The following CEP63 variants were observed in gnomAD, a reference collection of about 807,000 sequenced individuals.
CEP63 encodes the protein centrosomal protein of 63 kDa.
In CEP63, 84 loss-of-function variants were observed where a neutral mutation model predicts 89.1. The observed-to-expected ratio is 0.94, with a 90% CI of 0.79 to 1.13. The LOEUF is 1.13. Ranked by LOEUF, CEP63 falls within the 50% of genes most tolerant of loss-of-function variation. CEP63 has a pLI of 0.00. For missense variants in CEP63, 838 were observed against 813.3 expected (o/e 1.03, Z -0.37); for synonymous variants, 267 against 272.5 (o/e 0.98, Z 0.20).
chr3:134,582,637 A>C (rs1213901165), intron 10 of CEP63, among the ~76,000 whole-genome samples: 1 of 152,152 alleles, frequency 6.6e-6, no homozygotes, highest in African/African-American at 2.4e-5. Context: ...CACAATAAAC[A>C]TATGTGTGCA....
At chr3:134,767,006 A>G in the CEP63 span, among the ~76,000 whole-genome samples, 4 of 152,142 alleles carry the variant, frequency 2.6e-5, no homozygotes, top group Non-Finnish European at 5.9e-5. Context: ...TACAGAGGCT[A>G]CATAGCCACT....
the CEP63 span, among the ~76,000 whole-genome samples, chr3:134,671,000 G>A: frequency 6.6e-6 from 1 of 152,086 alleles, no homozygotes; most frequent in African/African-American, 2.4e-5. Flanking sequence ...ATACATTTGT[G>A]GTAAAAGTCT....
At chr3:134,644,209 T>G in the CEP63 span, among the ~76,000 whole-genome samples, 1 of 152,194 alleles carries the variant, frequency 6.6e-6, no homozygotes, top group Non-Finnish European at 1.5e-5. Context: ...TGTAGTTTGG[T>G]TCTGTTTCAC....
At chr3:134,669,182 C>T in the CEP63 span, among the ~76,000 whole-genome samples, 4 of 151,928 alleles carry the variant, frequency 2.6e-5, no homozygotes, top group South Asian at 6.2e-4. Flanking sequence ...TGTGCCCCTA[C>T]ACGCGGCTTA....
At chr3:134,695,719 GA>G in the CEP63 span, among the ~76,000 whole-genome samples, 6 of 152,240 alleles carry the variant, frequency 3.9e-5, no homozygotes, top group Non-Finnish European at 5.9e-5. Flanking sequence ...CTGCGCCTAG[GA>G]AACTGATTAG....
intron 1 of CEP63, among the ~76,000 whole-genome samples, chr3:134,492,584 T>C (rs1938094545): frequency 6.6e-6 from 1 of 152,134 alleles, no homozygotes; most frequent in Admixed American, 6.5e-5. Context: ...TTTTTTTTTT[T>C]TTTTTAAACA....
intron 8 of CEP63, among the ~76,000 whole-genome samples, chr3:134,546,548 G>T (rs1007298403): frequency 3.9e-5 from 6 of 151,986 alleles, no homozygotes; most frequent in Non-Finnish European, 7.4e-5. Flanking sequence ...TTAGAGACGG[G>T]CATTCATCAT....
chr3:134,584,751 T>C (rs550444284), intron 10 of CEP63, among the ~76,000 whole-genome samples: 3 of 152,122 alleles, frequency 2.0e-5, no homozygotes, highest in Non-Finnish European at 2.9e-5. Flanking sequence ...TCAGAAGAAA[T>C]GGTACCAGCT....
intron 1 of CEP63, among the ~76,000 whole-genome samples, chr3:134,495,015 G>A (rs1412837569): frequency 2.6e-5 from 4 of 152,120 alleles, no homozygotes; most frequent in Admixed American, 1.3e-4. Flanking sequence ...CTGCTCACCC[G>A]ACATTAGGAA....
At chr3:134,502,062 C>G (rs755118788) in intron 2 of CEP63, among the ~76,000 whole-genome samples, 6 of 152,100 alleles carry the variant, frequency 3.9e-5, no homozygotes, top group Non-Finnish European at 5.9e-5. Context: ...TTATTGAATG[C>G]TTTTTCTGCG....
At chr3:134,750,103 C>A in the CEP63 span, among the ~76,000 whole-genome samples, 1 of 152,256 alleles carries the variant, frequency 6.6e-6, no homozygotes, top group East Asian at 1.9e-4. Flanking sequence ...GATTCTGCAA[C>A]CTGCAGTGCT....
rs746862964 is a variant in CEP63, at chr3:134,550,110, A to G, written c.1230A>G (p.Leu410=). ...GTGAACAAAGTTACAGTTCTGCACT[A>G]GAAGGAATGAAGATGGAAATCTCCC... is the stretch of plus-strand genomic sequence containing the variant. ...LQGEQSYSSA[L]EGMKMEISHL... The change falls in exon 11 of 15, where the codon CTA becomes CTG. Residue 410 remains leucine, a synonymous_variant. Coordinates refer to ENST00000675561, the MANE Select transcript of CEP63 (RefSeq NM_001353108.3). 1.2e-6 allele frequency: 2 copies of G among 1,614,034 alleles called. No homozygotes were observed. The highest frequency in any genetic ancestry group is 1.7e-6 in the Non-Finnish European group (2 of 1,179,898).
chr3:134,595,204 T>C, the CEP63 span, among the ~76,000 whole-genome samples: 1 of 152,196 alleles, frequency 6.6e-6, no homozygotes, highest in Admixed American at 6.5e-5. Context: ...GTTCTCGTGA[T>C]AGTGAGTGAG....
chr3:134,592,518 G>GTGTGTGTGTGTGTGTGTGTGTGTGT (rs1577532253), downstream of CEP63, among the ~76,000 whole-genome samples: 6 of 149,542 alleles, frequency 4.0e-5, no homozygotes, highest in East Asian at 2.0e-4. Context: ...GTGTGTGTAT[G>GTGTGTGTGTGTGTGTGTGTGTGTGT]GAGGAACTGA....
chr3:134,509,924 G>A (rs968430197), intron 3 of CEP63, among the ~76,000 whole-genome samples: 2 of 152,112 alleles, frequency 1.3e-5, no homozygotes, highest in Admixed American at 6.5e-5. Context: ...AATACACAAA[G>A]CAATTATAGG....
At chr3:134,747,809 G>A in the CEP63 span, among the ~76,000 whole-genome samples, 4 of 152,010 alleles carry the variant, frequency 2.6e-5, no homozygotes, top group Admixed American at 6.6e-5. Flanking sequence ...TTTTTGAGAC[G>A]GAGTCTCACT....
At chr3:134,779,900 A>C in the CEP63 span, 1 of 152,240 alleles carries the variant, frequency 6.6e-6, no homozygotes, top group African/African-American at 2.4e-5. Context: ...CTTTACCTTT[A>C]AGCCATTTAT....
At chr3:134,558,878 T>C (rs1956788101) in intron 13 of CEP63, among the ~76,000 whole-genome samples, 1 of 152,200 alleles carries the variant, frequency 6.6e-6, no homozygotes, top group African/African-American at 2.4e-5. Flanking sequence ...GCACTTCTCC[T>C]GTCCCAGCAC....
At position 134,564,477 on chromosome 3, in the gene CEP63, T is replaced by G. The variant is rs1957624900; in HGVS notation, c.*2942T>G. Reference sequence around the variant, plus strand: ...GTGTGTGGCTCTGACCAGACTTTGCTATCCGCTTTGATTTCTGTCTTTCAG... The same window carrying G: ...GTGTGTGGCTCTGACCAGACTTTGCGATCCGCTTTGATTTCTGTCTTTCAG... On this transcript the variant is annotated 3_prime_UTR_variant, in exon 15 of 15. Transcript: ENST00000675561. The G allele has an allele frequency of 2.0e-6, 2 of 985,480 alleles. No homozygotes were observed. The highest frequency in any genetic ancestry group is 4.7e-5 in the South Asian group (1 of 21,288). 61.0% of individuals were successfully genotyped at this position (985,480 alleles called of 1,614,324 possible). A position where few individuals can be genotyped will look rare whatever the true frequency, so the allele number is the denominator to read the frequency against.
Sources: allele counts gnomAD v4.1 joint callset (sites outside exome capture counted in the v4.1 genomes callset), GRCh38; gene constraint gnomAD v4.1.1; transcripts MANE v1.5; gene names NCBI Gene and HGNC (gene_info 2026-07-23, HGNC 2026-07-21).